Variants in METTL15 observed in about 807,000 individuals in gnomAD.
METTL15 encodes the protein methyltransferase 15, mitochondrial 12S rRNA N4-cytidine, also known as 12S rRNA N(4)-cytidine methyltransferase METTL15.
METTL15 carries 34 observed loss-of-function variants against 38.3 expected under a neutral mutation model. That is an observed-to-expected ratio of 0.89 (90% CI 0.68 to 1.18). The LOEUF is 1.18. Among genes scored for constraint, METTL15 ranks in the 50% most tolerant of loss-of-function variants. The probability of loss-of-function intolerance (pLI) is 0.00; values close to 1 mark genes in which losing one functional copy is unlikely to be tolerated. For synonymous variants in METTL15, 162 were observed against 170.9 expected, an observed-to-expected ratio of 0.95 and a Z score of 0.41; for missense variants, 438 against 498.4, an observed-to-expected ratio of 0.88 and a Z score of 1.15.
intron 5 of METTL15, among the ~76,000 whole-genome samples, chr11:28,291,855 G>T (rs141125561): frequency 2.5e-4 from 38 of 152,048 alleles, no homozygotes; most frequent in African/African-American, 9.2e-4. Flanking sequence ...TCAGCAAATT[G>T]TAGTTTGTGA....
chr11:28,274,703 C>A (rs145481600), intron 4 of METTL15, among the ~76,000 whole-genome samples: 102 of 152,018 alleles, frequency 6.7e-4, no homozygotes, highest in African/African-American at 2.3e-3. Context: ...ATCTTCCTTT[C>A]ATTTTTAGAT....
intron 4 of METTL15, among the ~76,000 whole-genome samples, chr11:28,245,633 A>G (rs868174532): frequency 6.6e-6 from 1 of 152,218 alleles, no homozygotes; most frequent in Admixed American, 6.5e-5. Context: ...CCATTCTCAC[A>G]TTGCTATTAA....
intron 6 of METTL15, among the ~76,000 whole-genome samples, chr11:28,485,634 GAT>G (rs1448109382): frequency 6.6e-6 from 1 of 152,138 alleles, no homozygotes; most frequent in African/African-American, 2.4e-5. Context: ...GAGTAGAAAA[GAT>G]AAAACGTTAT....
Position 28,330,631 on chromosome 11 carries a change from G to A in METTL15, c.1014G>A (p.Met338Ile), listed in dbSNP as rs988945407. The change falls in exon 7 of 7, where the codon ATG (methionine) becomes ATA (isoleucine). Residue 338 changes from methionine (M) to isoleucine (I), a missense_variant. Transcript: ENST00000407364. ...AAAGATTTTTGCTTGGAATAAGCAT[G>A]ACAGAAAGATTTAACCTAAGTGTTA... ...IVKRFLLGIS[M>I]TERFNLSVRQ... 1.9e-6 allele frequency: 3 copies of A among 1,551,294 alleles called. No individual in the cohort carries two copies. The African/African-American group carries it at 4.1e-5, about 21-fold the overall frequency.
intron 3 of METTL15, among the ~76,000 whole-genome samples, chr11:28,202,444 AT>A (rs961220879): frequency 1.3e-4 from 20 of 149,944 alleles, no homozygotes; most frequent in South Asian, 2.1e-4. Context: ...TACATTGCTG[AT>A]TTTTTTTTTA....
At chr11:28,357,729 C>G (rs551277183) in intron 4 of METTL15, among the ~76,000 whole-genome samples, 59 of 152,238 alleles carry the variant, frequency 3.9e-4, no homozygotes, top group African/African-American at 1.4e-3. Context: ...TTAATGAAAG[C>G]AAACTACAAA....
At chr11:28,193,241 A>T (rs1851765934) in intron 3 of METTL15, among the ~76,000 whole-genome samples, 1 of 152,102 alleles carries the variant, frequency 6.6e-6, no homozygotes, top group Non-Finnish European at 1.5e-5. Context: ...ATAAAGAAAT[A>T]TCTGAGATTG....
At chr11:28,422,933 T>A (rs1417146931) in intron 5 of METTL15, among the ~76,000 whole-genome samples, 1 of 151,972 alleles carries the variant, frequency 6.6e-6, no homozygotes, top group African/African-American at 2.4e-5. Context: ...GAGAAAATGT[T>A]TGCAACTACC....
intron 4 of METTL15, among the ~76,000 whole-genome samples, chr11:28,235,873 G>A (rs893579772): frequency 1.4e-4 from 22 of 152,142 alleles, no homozygotes; most frequent in Non-Finnish European, 2.5e-4. Flanking sequence ...GAGGGCATCC[G>A]TGTCTTGTGC....
intron 6 of METTL15, among the ~76,000 whole-genome samples, chr11:28,490,035 T>G (rs1439481390): frequency 6.6e-6 from 1 of 151,884 alleles, no homozygotes; most frequent in Non-Finnish European, 1.5e-5. Context: ...AGAAGAGGAA[T>G]AGAAGGAGAG....
At chr11:28,397,021 GA>G (rs1850577571) in intron 5 of METTL15, among the ~76,000 whole-genome samples, 1 of 152,150 alleles carries the variant, frequency 6.6e-6, no homozygotes, top group Non-Finnish European at 1.5e-5. Context: ...ATGGTGTTGG[GA>G]AAACTGGCTA....
chr11:28,223,568 AT>A (rs1173292743), intron 4 of METTL15, among the ~76,000 whole-genome samples: 2 of 152,076 alleles, frequency 1.3e-5, no homozygotes, highest in Non-Finnish European at 1.5e-5. Flanking sequence ...AAACATAGTA[AT>A]TTTTTTCTTT....
Position 28,110,200 on chromosome 11 carries a change from C to T in METTL15, c.-219C>T, listed in dbSNP as rs1469842588. 1 of 152,254 alleles carries T rather than the reference C, an allele frequency of 6.6e-6. No individual in the cohort carries two copies. The highest frequency in any genetic ancestry group is 1.5e-5 in the Non-Finnish European group (1 of 68,046). The allele number at this position is 152,254 out of a possible 1,614,324, so 9.4% of individuals were successfully genotyped here. On this transcript the variant is annotated 5_prime_UTR_variant, in exon 2 of 7. Transcript: ENST00000407364. ...TTGGAAACCCCAGGCCAACAGGACC[C>T]TTTGGCAGCTGAGGCTGGAAACAGC...
At chr11:28,273,959 A>T (rs1239247690) in intron 4 of METTL15, among the ~76,000 whole-genome samples, 1 of 152,084 alleles carries the variant, frequency 6.6e-6, no homozygotes, top group African/African-American at 2.4e-5. Context: ...AGATCTACAT[A>T]AACTAAGCTA....
intron 3 of METTL15, among the ~76,000 whole-genome samples, chr11:28,140,373 TA>T (rs1297100227): frequency 6.6e-6 from 1 of 152,050 alleles, no homozygotes; most frequent in Non-Finnish European, 1.5e-5. Context: ...TTGAGAGTGA[TA>T]GGGGTTTTTG....
At chr11:28,466,657 G>A (rs577001146) in intron 6 of METTL15, among the ~76,000 whole-genome samples, 29 of 152,256 alleles carry the variant, frequency 1.9e-4, no homozygotes, top group African/African-American at 6.5e-4. Flanking sequence ...GGTACATCAC[G>A]CGGTGCCTGA....
At chr11:28,315,835 G>T (rs1391871038) in intron 6 of METTL15, among the ~76,000 whole-genome samples, 1 of 152,234 alleles carries the variant, frequency 6.6e-6, no homozygotes, top group Non-Finnish European at 1.5e-5. Flanking sequence ...GGGGGTGGAA[G>T]TCCCAAGCTT....
chr11:28,432,720 G>A (rs1850942934), intron 6 of METTL15, among the ~76,000 whole-genome samples: 2 of 152,272 alleles, frequency 1.3e-5, no homozygotes, highest in East Asian at 1.9e-4. Flanking sequence ...ATTGTCAAAG[G>A]TATGGCAGAG....
intron 6 of METTL15, among the ~76,000 whole-genome samples, chr11:28,315,731 C>T (rs1031042351): frequency 2.0e-5 from 3 of 152,338 alleles, no homozygotes; most frequent in South Asian, 4.1e-4. Context: ...CAAGGCCCCC[C>T]TGTTCTGTGC....
Sources: gnomAD v4.1 joint callset for allele counts (sites outside exome capture counted in the v4.1 genomes callset) on GRCh38, gnomAD v4.1.1 for gene constraint, MANE v1.5 for transcripts, NCBI Gene and HGNC (gene_info 2026-07-23, HGNC 2026-07-21) for gene names.